The following CSMD1 variants were observed in gnomAD, a reference collection of about 807,000 sequenced individuals.
CSMD1 encodes CUB and sushi domain-containing protein 1.
CSMD1 carries 213 observed loss-of-function variants against 417.5 expected under a neutral mutation model. The observed-to-expected ratio is 0.51, with a 90% CI of 0.46 to 0.57. The LOEUF (loss-of-function observed/expected upper bound fraction) is 0.57, where lower values mean the gene tolerates loss of function less well. Ranked by LOEUF, CSMD1 falls within the 20% of genes least tolerant of loss-of-function variation. CSMD1 has a pLI of 0.00. For missense variants in CSMD1, 6,923 were observed against 4,529.7 expected, an observed-to-expected ratio of 1.53 and a Z score of -15.17; for synonymous variants, 2,862 against 1,736.8, an observed-to-expected ratio of 1.65 and a Z score of -16.11.
intron 5 of CSMD1, among the ~76,000 whole-genome samples, chr8:3,825,145 C>G (rs897858059): frequency 6.6e-6 from 1 of 152,084 alleles, no homozygotes; most frequent in Non-Finnish European, 1.5e-5. Context: ...GGGGAGATTT[C>G]TCATTCTCTT....
chr8:3,402,673 C>G (rs1812108728), intron 15 of CSMD1, among the ~76,000 whole-genome samples: 1 of 152,068 alleles, frequency 6.6e-6, no homozygotes, highest in Non-Finnish European at 1.5e-5. Context: ...TGGATAATTT[C>G]TCTTTTATGT....
intron 1 of CSMD1, among the ~76,000 whole-genome samples, chr8:4,649,052 C>A (rs763366835): frequency 6.6e-6 from 1 of 152,174 alleles, no homozygotes; most frequent in Admixed American, 6.5e-5. Flanking sequence ...TTCTTGTAGG[C>A]TTCAGTTGGT....
chr8:4,840,458 C>T lies in CSMD1; in HGVS notation c.85+153874G>A, dbSNP rs139262989. ...GACTATAGTCAGTTCTGAAAACATA[C>T]GATATAACACGTTAGGTCTTTTGTT... On this transcript the variant is annotated intron_variant, in intron 1 of 69. Transcript: ENST00000635120. Among the ~76,000 whole-genome samples, 386 of 152,100 alleles carry T rather than the reference C, an allele frequency of 2.5e-3. 1 individual carries two copies. Among genetic ancestry groups the T allele is most frequent in the East Asian group, 0.018 (93 of 5,182 alleles).
intron 5 of CSMD1, among the ~76,000 whole-genome samples, chr8:3,983,631 C>G (rs77020020): frequency 0.043 from 6,490 of 152,256 alleles, 210 homozygotes; most frequent in Middle Eastern, 0.088. Context: ...ATTTTTCAAA[C>G]CATAGCCCAC....
At chr8:4,811,109 T>G (rs1798874328) in intron 1 of CSMD1, among the ~76,000 whole-genome samples, 1 of 152,206 alleles carries the variant, frequency 6.6e-6, no homozygotes, top group East Asian at 1.9e-4. Context: ...GGAAAGCATT[T>G]TTATGGCAAC....
chr8:4,201,178 T>C (rs1010882395), intron 3 of CSMD1, among the ~76,000 whole-genome samples: 1 of 152,168 alleles, frequency 6.6e-6, no homozygotes, highest in Non-Finnish European at 1.5e-5. Context: ...TTAAGTACTG[T>C]TGTGTATGCA....
At chr8:4,113,967 G>C (rs1189079295) in intron 3 of CSMD1, among the ~76,000 whole-genome samples, 1 of 152,200 alleles carries the variant, frequency 6.6e-6, no homozygotes, top group African/African-American at 2.4e-5. Flanking sequence ...TAATATAAAA[G>C]TTCCAGGTGA....
intron 23 of CSMD1, 130 bp downstream of exon 23, chr8:3,343,164 A>T (rs1364732576): frequency 1.4e-6 from 1 of 704,020 alleles, no homozygotes; most frequent in Non-Finnish European, 2.4e-6. Flanking sequence ...CAGAGTACAG[A>T]ATTAAACTGC....
At chr8:4,252,673 G>A (rs986718365) in intron 3 of CSMD1, among the ~76,000 whole-genome samples, 5 of 152,186 alleles carry the variant, frequency 3.3e-5, no homozygotes, top group Admixed American at 6.5e-5. Flanking sequence ...GCTTTTATGT[G>A]GAGTTAACCA....
chr8:4,086,329 C>G (rs1344481500), intron 3 of CSMD1, among the ~76,000 whole-genome samples: 1 of 152,202 alleles, frequency 6.6e-6, no homozygotes, highest in Non-Finnish European at 1.5e-5. Flanking sequence ...AAGCCTTTTT[C>G]ATTAAGCACT....
At chr8:3,079,457 A>G (rs1252834650) in intron 49 of CSMD1, among the ~76,000 whole-genome samples, 1 of 152,246 alleles carries the variant, frequency 6.6e-6, no homozygotes, top group East Asian at 1.9e-4. Context: ...AATATCACAA[A>G]ACAGAGGAGA....
chr8:4,262,636 G>C (rs180909129), intron 3 of CSMD1, among the ~76,000 whole-genome samples: 24 of 152,072 alleles, frequency 1.6e-4, no homozygotes, highest in Non-Finnish European at 2.4e-4. Flanking sequence ...TCGCCACCCA[G>C]TTAGCCTGGG....
intron 2 of CSMD1, among the ~76,000 whole-genome samples, chr8:4,439,432 G>C (rs1235822316): frequency 6.6e-6 from 1 of 151,980 alleles, no homozygotes; most frequent in Non-Finnish European, 1.5e-5. Context: ...ATAATGTAAT[G>C]ATTTTCATCT....
At chr8:4,551,214 T>C (rs538199000) in intron 2 of CSMD1, among the ~76,000 whole-genome samples, 1 of 152,168 alleles carries the variant, frequency 6.6e-6, no homozygotes, top group Admixed American at 6.5e-5. Flanking sequence ...CCACCAACCC[T>C]CCTGTAATAC....
Position 4,102,867 on chromosome 8 carries a change from C to T in CSMD1, c.416-70768G>A, listed in dbSNP as rs145511276. 5.2e-3 allele frequency among the ~76,000 whole-genome samples: 789 copies of T among 152,242 alleles called. 6 individuals are homozygous for T. Among genetic ancestry groups the T allele is most frequent in the African/African-American group, 0.018 (755 of 41,544 alleles). The stretch of plus-strand genomic sequence containing the variant: ...GGAAGGAATCTATCCTGAGAACCAG[C>T]GCCCTTACCTCTGCAGTCTAAAGGT... On this transcript the variant is annotated intron_variant, in intron 3 of 69. Coordinates refer to ENST00000635120, the MANE Select transcript of CSMD1 (RefSeq NM_033225.6).
chr8:3,861,755 T>A (rs1270871925), intron 5 of CSMD1, among the ~76,000 whole-genome samples: 1 of 152,202 alleles, frequency 6.6e-6, no homozygotes, highest in Admixed American at 6.6e-5. Flanking sequence ...AAAAGAAATA[T>A]CCTAACTTTT....
In CSMD1 at chr8:4,183,912, C is replaced by G. The variant is rs371775699; in HGVS notation, c.416-151813G>C. Reference sequence around the variant, plus strand: ...TGGACAGTTTGGCCACAGCTTGGGGCAGCTACCACATGATAGTCTGGGAAA... The same window carrying G: ...TGGACAGTTTGGCCACAGCTTGGGGGAGCTACCACATGATAGTCTGGGAAA... On this transcript the variant is annotated intron_variant, in intron 3 of 69. Transcript: ENST00000635120. Among the ~76,000 whole-genome samples, 131 of 152,220 alleles carry G rather than the reference C, an allele frequency of 8.6e-4. 3 individuals carry two copies. The South Asian group carries it at 0.026, about 30-fold the overall frequency.
chr8:4,885,072 T>C (rs903318169), intron 1 of CSMD1, among the ~76,000 whole-genome samples: 1 of 152,132 alleles, frequency 6.6e-6, no homozygotes, highest in Non-Finnish European at 1.5e-5. Context: ...GTTAAAAGTA[T>C]TATTGCATTC....
At chr8:4,572,289 G>A (rs907795320) in intron 2 of CSMD1, among the ~76,000 whole-genome samples, 1 of 152,160 alleles carries the variant, frequency 6.6e-6, no homozygotes, top group African/African-American at 2.4e-5. Context: ...GCTTCCTTCA[G>A]GAGCTCTTAT....
Sources: allele counts gnomAD v4.1 joint callset (sites outside exome capture counted in the v4.1 genomes callset), GRCh38; gene constraint gnomAD v4.1.1; transcripts MANE v1.5; gene names NCBI Gene and HGNC (gene_info 2026-07-23, HGNC 2026-07-21).